STOML1: variants seen among roughly 807,000 people sequenced by gnomAD.
STOML1 encodes stomatin-like protein 1.
In STOML1, 27 loss-of-function variants were observed where a neutral mutation model predicts 35.7. That is an observed-to-expected ratio of 0.76 (90% CI 0.56 to 1.04). The LOEUF is 1.04. Ranked by LOEUF, STOML1 falls within the 50% of genes least tolerant of loss-of-function variation. The pLI is 0.00. For synonymous variants in STOML1, 219 were observed against 227.9 expected (o/e 0.96, Z 0.35); for missense variants, 451 against 527.1 (o/e 0.86, Z 1.41).
At position 73,983,839 on chromosome 15, in the gene STOML1, C is replaced by T. The variant is rs887836217; in HGVS notation, c.*98G>A. The T allele has an allele frequency of 1.4e-6, 2 of 1,400,962 alleles. No homozygotes were observed. Among genetic ancestry groups the T allele is most frequent in the African/African-American group, 2.9e-5 (2 of 69,074 alleles). 86.8% of individuals were successfully genotyped at this position (1,400,962 alleles called of 1,614,324 possible). On this transcript the variant is annotated 3_prime_UTR_variant, in exon 7 of 7. Transcript: ENST00000541638. ...CTGGGCCTGAAATTTGTTAGGGCCTCAACTCTCTGTGGTGCAGATGAACAC... is the reference window on the plus strand; with the variant it reads ...CTGGGCCTGAAATTTGTTAGGGCCTTAACTCTCTGTGGTGCAGATGAACAC...
intron 6 of STOML1, 90 bp downstream of exon 6, chr15:73,984,569 C>A: frequency 2.1e-6 from 3 of 1,452,846 alleles, no homozygotes; most frequent in Non-Finnish European, 2.8e-6. Context: ...TTGGCAGGAG[C>A]AGGGGGCAGT....
upstream of STOML1, chr15:73,994,459 G>A: frequency 3.2e-6 from 1 of 309,232 alleles, no homozygotes; most frequent in Non-Finnish European, 6.2e-6. Flanking sequence ...GCAGGACGTG[G>A]CACGAAGCAG....
intron 1 of STOML1, among the ~76,000 whole-genome samples, chr15:73,991,431 T>C (rs977905164): frequency 6.6e-5 from 10 of 152,262 alleles, no homozygotes; most frequent in Admixed American, 6.5e-4. Context: ...ACTTTGTGCC[T>C]GGCTCTGATC....
rs1264942268 is a variant in STOML1 at position 73,982,111 on chromosome 15, A to G, written c.*1826T>C. ...CCTGGGGTTTCCTGGGCAGCCCTTC[A>G]TATACTGTGTAATAGCAATGGAAGG... On this transcript the variant is annotated 3_prime_UTR_variant, in exon 7 of 7. Coordinates refer to ENST00000541638, the MANE Select transcript of STOML1 (RefSeq NM_004809.5). 6.6e-6 allele frequency: 1 copy of G among 152,352 alleles called. No individual in the cohort carries two copies. The highest frequency in any genetic ancestry group is 1.9e-4 in the East Asian group (1 of 5,200). 9.4% of individuals were successfully genotyped at this position (152,352 alleles called of 1,614,324 possible).
chr15:73,989,329 C>T, intron 2 of STOML1, 72 bp from the exon 3 acceptor site: 2 of 1,426,478 alleles, frequency 1.4e-6, no homozygotes, highest in African/African-American at 1.4e-5. Context: ...GCCTAGGTCC[C>T]TTCCTCACTT....
rs776524175 is a variant in STOML1 at position 73,985,307 on chromosome 15, GGGCTC to G, written c.790+6_790+10del. ...GTAAACACCCCCGCTCTCCTCCCCAGGGCTCCTCACCTGGCCCCGGGGACGGGGCA... is the reference window on the plus strand; with the variant it reads ...GTAAACACCCCCGCTCTCCTCCCCAGCTCACCTGGCCCCGGGGACGGGGCA... On this transcript the variant is annotated splice_donor_region_variant and intron_variant, in intron 5 of 6. Transcript: ENST00000541638. 6.6e-7 allele frequency: 1 copy of G among 1,522,262 alleles called. No homozygotes were observed. The highest frequency in any genetic ancestry group is 1.4e-5 in the African/African-American group (1 of 71,498). The allele number at this position is 1,522,262 out of a possible 1,614,324, so 94.3% of individuals were successfully genotyped here. A position where few individuals can be genotyped will look rare whatever the true frequency, so the allele number is the denominator to read the frequency against.
Position 73,991,104 on chromosome 15 carries a change from C to T in STOML1, c.134-647G>A, listed in dbSNP as rs1331781560. The T allele has an allele frequency of 1.2e-5, 8 of 676,474 alleles. No homozygotes were observed. In the East Asian group the frequency reaches 4.1e-4, roughly 34 times the overall value. 41.9% of individuals were successfully genotyped at this position (676,474 alleles called of 1,614,324 possible). ...CTGCACTCCAGCCTGGGGGACAGAGCGAGACTCCATCTCAAAAAAACAACA... is the reference window on the plus strand; with the variant it reads ...CTGCACTCCAGCCTGGGGGACAGAGTGAGACTCCATCTCAAAAAAACAACA... On this transcript the variant is annotated intron_variant, in intron 1 of 6. Coordinates refer to ENST00000541638, the MANE Select transcript of STOML1 (RefSeq NM_004809.5).
Position 73,982,739 on chromosome 15 carries a change from G to T in STOML1, c.*1198C>A, listed in dbSNP as rs1238839107. 1 of 152,316 alleles carries T rather than the reference G, an allele frequency of 6.6e-6. No individual in the cohort carries two copies. Among genetic ancestry groups the T allele is most frequent in the Non-Finnish European group, 1.5e-5 (1 of 68,110 alleles). The allele number at this position is 152,316 out of a possible 1,614,324, so 9.4% of individuals were successfully genotyped here. A position where few individuals can be genotyped will look rare whatever the true frequency, so the allele number is the denominator to read the frequency against. On this transcript the variant is annotated 3_prime_UTR_variant, in exon 7 of 7. Coordinates refer to ENST00000541638, the MANE Select transcript of STOML1 (RefSeq NM_004809.5). ...AGATTCCTTTCTTAGGACTCAAGAA[G>T]TCAGAGGCCCCCTTCTCTGGGGCCC... is the stretch of plus-strand genomic sequence containing the variant.
chr15:73,988,421 C>G lies in STOML1; in HGVS notation c.594+178G>C. ...CCAGGATCGTTATGGTCTACGCCCA[C>G]CTGCCATTCCTCAACTCATGGCCCC... On this transcript the variant is annotated intron_variant, in intron 4 of 6. Transcript: ENST00000541638. This position sits in a 1 kb window ranked among gnomAD's most constrained non-coding sequence, Gnocchi z 4.8. 2.8e-6 allele frequency: 2 copies of G among 720,512 alleles called. No individual in the cohort carries two copies. Among genetic ancestry groups the G allele is most frequent in the African/African-American group, 3.6e-5 (2 of 56,260 alleles). 44.6% of individuals were successfully genotyped at this position (720,512 alleles called of 1,614,324 possible).
Position 73,990,789 on chromosome 15 carries a change from G to A in STOML1, c.134-332C>T, listed in dbSNP as rs916179554. On this transcript the variant is annotated intron_variant, in intron 1 of 6. Coordinates refer to ENST00000541638, the MANE Select transcript of STOML1 (RefSeq NM_004809.5). Reference sequence around the variant, plus strand: ...GGACTGAGTAGGGGTCAATCCTCTCGTTTAATTTATATTGCCTACCCATAC... The same window carrying A: ...GGACTGAGTAGGGGTCAATCCTCTCATTTAATTTATATTGCCTACCCATAC... 3.3e-6 allele frequency: 5 copies of A among 1,534,152 alleles called. No homozygotes were observed. In the African/African-American group the frequency reaches 4.1e-5, roughly 13 times the overall value.
intron 1 of STOML1, chr15:73,990,850 A>C: frequency 1.3e-6 from 2 of 1,535,704 alleles, no homozygotes; most frequent in Non-Finnish European, 1.7e-6. Flanking sequence ...GCATCTGTAA[A>C]CATGCACTGA....
chr15:73,985,480 GC>G lies in STOML1; in HGVS notation c.627del (p.Leu210TrpfsTer3). ...GCCAGCTCCACGCGGTCTACCTCCA[GC>G]CCCCAGGCCCTGGTCACATCGTTGA... ...LEINDVTRAW[G>X]LEVDRVELAV... is the part of the protein sequence containing the mutation. On this transcript the variant is annotated frameshift_variant, in exon 5 of 7. Coordinates refer to ENST00000541638, the MANE Select transcript of STOML1 (RefSeq NM_004809.5). LOFTEE classifies it high-confidence loss of function. The G allele has an allele frequency of 6.5e-7, 1 of 1,538,862 alleles. No homozygotes were observed. Among genetic ancestry groups the G allele is most frequent in the Non-Finnish European group, 8.7e-7 (1 of 1,144,938 alleles).
chr15:73,990,327 G>T, intron 2 of STOML1, 24 bp downstream of exon 2: 1 of 1,606,742 alleles, frequency 6.2e-7, no homozygotes, highest in South Asian at 1.1e-5. Flanking sequence ...CAACCACCCT[G>T]GGGGCTGACC....
chr15:73,984,566 G>A (rs2069025339), intron 6 of STOML1, 93 bp downstream of exon 6: 1 of 1,437,432 alleles, frequency 7.0e-7, no homozygotes, highest in East Asian at 2.4e-5. Flanking sequence ...TTATTGGCAG[G>A]AGCAGGGGGC....
Position 73,983,932 on chromosome 15 carries a change from G to A in STOML1, c.*5C>T. 6.2e-7 allele frequency: 1 copy of A among 1,608,252 alleles called. No homozygotes were observed. The highest frequency in any genetic ancestry group is 8.5e-7 in the Non-Finnish European group (1 of 1,175,960). The stretch of plus-strand genomic sequence containing the variant: ...GACTGGGCTCTGGAAAGTCAGCCAA[G>A]GCTGCTACTTCAAGGCCCTGAGGAC... On this transcript the variant is annotated 3_prime_UTR_variant, in exon 7 of 7. Coordinates refer to ENST00000541638, the MANE Select transcript of STOML1 (RefSeq NM_004809.5).
chr15:73,987,625 C>G (rs1460212204), intron 4 of STOML1: 1 of 152,344 alleles, frequency 6.6e-6, no homozygotes, highest in East Asian at 1.9e-4. Context: ...GGCAGGTGGT[C>G]TAGCTATGGC....
chr15:73,984,146 A>C lies in STOML1; in HGVS notation c.1004-16T>G, dbSNP rs747282729. The C allele has an allele frequency of 2.2e-5, 35 of 1,603,070 alleles. No individual in the cohort carries two copies. Among genetic ancestry groups the C allele is most frequent in the Non-Finnish European group, 2.9e-5 (34 of 1,171,936 alleles). On this transcript the variant is annotated splice_polypyrimidine_tract_variant and intron_variant, in intron 6 of 6. Transcript: ENST00000541638. Reference sequence around the variant, plus strand: ...CTTCCTCGTCCTGTGGGGCAAAAGAAAACCGAGTGTCAGTAGGGGAATGGA... The same window carrying C: ...CTTCCTCGTCCTGTGGGGCAAAAGACAACCGAGTGTCAGTAGGGGAATGGA...
Position 73,981,235 on chromosome 15 carries a change from A to C in STOML1, c.*2702T>G, listed in dbSNP as rs2068956447. 6.6e-6 allele frequency: 1 copy of C among 152,180 alleles called. No individual in the cohort carries two copies. The highest frequency in any genetic ancestry group is 1.5e-5 in the Non-Finnish European group (1 of 68,068). The allele number at this position is 152,180 out of a possible 1,614,324, so 9.4% of individuals were successfully genotyped here. A position where few individuals can be genotyped will look rare whatever the true frequency, so the allele number is the denominator to read the frequency against. On this transcript the variant is annotated 3_prime_UTR_variant, in exon 7 of 7. Transcript: ENST00000541638. The stretch of plus-strand genomic sequence containing the variant: ...ACCAGGTGTGGTGGTATGCGCCTAT[A>C]ATCCTGGCTACTCAGGTGTCTGAGG...
In STOML1 at chr15:73,983,755, G is replaced by C. The variant is rs2068997298; in HGVS notation, c.*182C>G. 3.1e-6 allele frequency: 2 copies of C among 641,558 alleles called. No homozygotes were observed. The highest frequency in any genetic ancestry group is 4.3e-4 in the Middle Eastern group (1 of 2,312). The allele number at this position is 641,558 out of a possible 1,614,324, so 39.7% of individuals were successfully genotyped here. A position where few individuals can be genotyped will look rare whatever the true frequency, so the allele number is the denominator to read the frequency against. ...AGCCTTGTCCAGAGAACCACTGTAG[G>C]GGAGACGTGCATGGCAGCCGGACTC... is the stretch of plus-strand genomic sequence containing the variant. On this transcript the variant is annotated 3_prime_UTR_variant, in exon 7 of 7. Transcript: ENST00000541638.
Sources: allele counts gnomAD v4.1 joint callset (sites outside exome capture counted in the v4.1 genomes callset), GRCh38; gene constraint gnomAD v4.1.1; non-coding constraint Gnocchi (gnomAD v3.1); transcripts MANE v1.5; gene names NCBI Gene and HGNC (gene_info 2026-07-23, HGNC 2026-07-21).